DCDC2C: variants seen among roughly 807,000 people sequenced by gnomAD.
The protein encoded by DCDC2C is doublecortin domain containing 2C.
Under a neutral mutation model 45.0 loss-of-function variants are expected in DCDC2C, and 44 were observed. The observed-to-expected ratio is 0.98, with a 90% CI of 0.77 to 1.26. The LOEUF (loss-of-function observed/expected upper bound fraction) is 1.26, where lower values mean the gene tolerates loss of function less well. Among genes scored for constraint, DCDC2C ranks in the 50% most tolerant of loss-of-function variants. DCDC2C has a pLI of 0.00. For missense variants in DCDC2C, 447 were observed against 468.9 expected (o/e 0.95, Z 0.43); for synonymous variants, 187 against 178.8 (o/e 1.05, Z -0.37).
Position 3,812,736 on chromosome 2 carries a change from T to C in DCDC2C, c.1065+27636T>C, listed in dbSNP as rs529076600. Among the ~76,000 whole-genome samples the C allele has an allele frequency of 2.0e-5, 3 of 152,274 alleles. No homozygotes were observed. The South Asian group carries it at 6.2e-4, about 32-fold the overall frequency. ...CATTTAGTGCTATAAATTTCCCTCT[T>C]AACACTGCTGTAGCTGTGTCCCAGA... On this transcript the variant is annotated intron_variant, in intron 10 of 10. Transcript: ENST00000399143.
Position 3,759,417 on chromosome 2 carries a change from C to T in DCDC2C, c.726+4783C>T, listed in dbSNP as rs571484686. On this transcript the variant is annotated intron_variant, in intron 6 of 10. Transcript: ENST00000399143. ...ATTTTAAATGGCACTTCCTTTCTTT[C>T]TTAGTGGTTTATAAAATAGCTACGT... is the stretch of plus-strand genomic sequence containing the variant. 7.2e-5 allele frequency among the ~76,000 whole-genome samples: 11 copies of T among 152,228 alleles called. No homozygotes were observed. In the East Asian group the frequency reaches 7.7e-4, roughly 11 times the overall value.
intron 2 of DCDC2C, among the ~76,000 whole-genome samples, chr2:3,719,237 C>T (rs1255986975): frequency 6.6e-6 from 1 of 152,158 alleles, no homozygotes; most frequent in Non-Finnish European, 1.5e-5. Flanking sequence ...AGGTGCCCGC[C>T]ACCATGCCAG....
At chr2:3,841,216 C>G (rs1385685215) in intron 10 of DCDC2C, among the ~76,000 whole-genome samples, 1 of 152,114 alleles carries the variant, frequency 6.6e-6, no homozygotes, top group Non-Finnish European at 1.5e-5. Context: ...TTAGGGGAGA[C>G]ATTTTCAGCC....
Position 3,703,617 on chromosome 2 carries a change from C to A in DCDC2C, c.-135C>A. On this transcript the variant is annotated 5_prime_UTR_variant, in exon 1 of 11. Transcript: ENST00000399143. The surrounding 1 kb of genome is among the most constrained non-coding windows in gnomAD (Gnocchi z 4.4). Reference sequence around the variant, plus strand: ...GTCCAGCCCCCGTCCCGTCCCCGTCCCGTCCCCGTCCTGCGCCAGCGGCTG... The same window carrying A: ...GTCCAGCCCCCGTCCCGTCCCCGTCACGTCCCCGTCCTGCGCCAGCGGCTG... The A allele has an allele frequency of 1.1e-6, 1 of 880,816 alleles. No homozygotes were observed. The highest frequency in any genetic ancestry group is 1.5e-6 in the Non-Finnish European group (1 of 676,824). The allele number at this position is 880,816 out of a possible 1,614,324, so 54.6% of individuals were successfully genotyped here.
In DCDC2C at chr2:3,839,266, A is replaced by G. The variant is rs186701794; in HGVS notation, c.1066-7888A>G. Among the ~76,000 whole-genome samples the G allele has an allele frequency of 3.9e-5, 6 of 152,314 alleles. No individual in the cohort carries two copies. The East Asian group carries it at 1.2e-3, about 29-fold the overall frequency. Reference sequence around the variant, plus strand: ...TTACCAAATACAGAAATTAAATGCTATCTATCTCCGGGTTTCTAACTTTTC... The same window carrying G: ...TTACCAAATACAGAAATTAAATGCTGTCTATCTCCGGGTTTCTAACTTTTC... On this transcript the variant is annotated intron_variant, in intron 10 of 10. Transcript: ENST00000399143.
At position 3,720,978 on chromosome 2, in the gene DCDC2C, C is replaced by T. The variant is rs142156802; in HGVS notation, c.340-6025C>T. On this transcript the variant is annotated intron_variant, in intron 2 of 10. Coordinates refer to ENST00000399143, the MANE Select transcript of DCDC2C (RefSeq NM_001287444.2). Reference sequence around the variant, plus strand: ...TTCAGGTTATTTCTTCTTGAGTAAACTTTGCTAGTTTTTGTCTTTTGATTC... The same window carrying T: ...TTCAGGTTATTTCTTCTTGAGTAAATTTTGCTAGTTTTTGTCTTTTGATTC... 8.1e-3 allele frequency among the ~76,000 whole-genome samples: 1,230 copies of T among 152,206 alleles called. 20 individuals carry two copies. Among genetic ancestry groups the T allele is most frequent in the African/African-American group, 0.029 (1,190 of 41,546 alleles).
chr2:3,847,069 A>G (rs1572658010), intron 10 of DCDC2C, 85 bp from the exon 11 acceptor site: 3 of 920,508 alleles, frequency 3.3e-6, no homozygotes, highest in East Asian at 6.6e-5. Flanking sequence ...CAGAAATGCA[A>G]GCTCCTGAGA....
intron 10 of DCDC2C, among the ~76,000 whole-genome samples, 157 bp downstream of exon 10, chr2:3,785,257 A>T (rs529792104): frequency 6.6e-6 from 1 of 152,276 alleles, no homozygotes; most frequent in African/African-American, 2.4e-5. Flanking sequence ...CCAGAGTTAG[A>T]AAACAAACTT....
intron 4 of DCDC2C, among the ~76,000 whole-genome samples, chr2:3,748,498 G>A (rs1212420373): frequency 3.3e-5 from 5 of 152,072 alleles, no homozygotes; most frequent in African/African-American, 1.2e-4. Flanking sequence ...GGAAGTGGGA[G>A]GAGGAACAGG....
At chr2:3,726,929 T>C (rs357941) in intron 2 of DCDC2C, 74 bp from the exon 3 acceptor site, 1,314,702 of 1,328,008 alleles carry the variant, frequency 0.99, 651,594 homozygotes, top group South Asian at 1. Context: ...AGGGCAGTGC[T>C]GTGCACACTG....
In DCDC2C at chr2:3,717,692, G is replaced by T. The variant is rs184073583; in HGVS notation, c.339+9092G>T. ...CTCCAGGGAGGTGAAGTCTGCACTA[G>T]TTACCATGACGTTTAAGGCCCTTCT... On this transcript the variant is annotated intron_variant, in intron 2 of 10. Transcript: ENST00000399143. Among the ~76,000 whole-genome samples the T allele has an allele frequency of 2.6e-5, 4 of 152,268 alleles. No individual in the cohort carries two copies. In the East Asian group the frequency reaches 7.7e-4, roughly 29 times the overall value.
intron 10 of DCDC2C, among the ~76,000 whole-genome samples, chr2:3,837,598 C>T (rs1043401794): frequency 1.3e-5 from 2 of 151,692 alleles, no homozygotes; most frequent in Non-Finnish European, 2.9e-5. Context: ...CGTCTGTTCT[C>T]ATCTAAAGGG....
Position 3,703,598 on chromosome 2 carries a change from C to A in DCDC2C, c.-154C>A. Reference sequence around the variant, plus strand: ...GCAGCCCCGTCCCGTCCCCGTCCAGCCCCCGTCCCGTCCCCGTCCCGTCCC... The same window carrying A: ...GCAGCCCCGTCCCGTCCCCGTCCAGACCCCGTCCCGTCCCCGTCCCGTCCC... On this transcript the variant is annotated 5_prime_UTR_variant, in exon 1 of 11. Transcript: ENST00000399143. The surrounding 1 kb of genome is among the most constrained non-coding windows in gnomAD (Gnocchi z 4.4). The A allele has an allele frequency of 1.4e-6, 1 of 730,300 alleles. No individual in the cohort carries two copies. Among genetic ancestry groups the A allele is most frequent in the African/African-American group, 1.9e-5 (1 of 53,632 alleles). 45.2% of individuals were successfully genotyped at this position (730,300 alleles called of 1,614,324 possible).
intron 10 of DCDC2C, among the ~76,000 whole-genome samples, chr2:3,788,833 T>TCCCCCAACCC (rs1670727238): frequency 2.8e-5 from 2 of 72,632 alleles, no homozygotes; most frequent in African/African-American, 5.4e-5. Context: ...CTTCCCTCCC[T>TCCCCCAACCC]TCCCCAACCC....
intron 7 of DCDC2C, 45 bp downstream of exon 7, chr2:3,767,925 C>G: frequency 7.2e-7 from 1 of 1,395,500 alleles, no homozygotes; most frequent in Non-Finnish European, 9.3e-7. Flanking sequence ...GAAACTTTAC[C>G]AGGCTGAGAA....
intron 10 of DCDC2C, among the ~76,000 whole-genome samples, chr2:3,788,992 G>A (rs1054666422): frequency 6.6e-6 from 1 of 151,954 alleles, no homozygotes; most frequent in Non-Finnish European, 1.5e-5. Context: ...GGCATGGCAC[G>A]TGTGCCGCCA....
rs76138932 is a variant in DCDC2C, at chr2:3,808,140, A to G, written c.1065+23040A>G. ...TGTATATATAGTTTTGCAACTGTAC[A>G]GTGGATGGAAGTGAATGGAAGTTTC... On this transcript the variant is annotated intron_variant, in intron 10 of 10. Transcript: ENST00000399143. Among the ~76,000 whole-genome samples the G allele has an allele frequency of 3.4e-3, 513 of 152,338 alleles. 9 individuals carry two copies. The highest frequency in any genetic ancestry group is 2.4e-3 in the Non-Finnish European group (162 of 68,026).
chr2:3,762,928 G>C (rs1669920215), intron 6 of DCDC2C, among the ~76,000 whole-genome samples: 1 of 152,112 alleles, frequency 6.6e-6, no homozygotes, highest in Non-Finnish European at 1.5e-5. Flanking sequence ...GTGTGAGGCT[G>C]CCTGGGAAGG....
intron 4 of DCDC2C, among the ~76,000 whole-genome samples, chr2:3,748,468 G>C (rs73910355): frequency 6.6e-6 from 1 of 151,812 alleles, no homozygotes; most frequent in African/African-American, 2.4e-5. Context: ...GGTGACTGTC[G>C]GTACCATTCC....
Sources: allele counts gnomAD v4.1 joint callset (sites outside exome capture counted in the v4.1 genomes callset), GRCh38; gene constraint gnomAD v4.1.1; non-coding constraint Gnocchi (gnomAD v3.1); transcripts MANE v1.5; gene names NCBI Gene and HGNC (gene_info 2026-07-23, HGNC 2026-07-21).